SYNE2: variants seen among roughly 807,000 people sequenced by gnomAD.
The protein encoded by SYNE2 is nesprin-2.
In SYNE2, 431 loss-of-function variants were observed where a neutral mutation model predicts 856.3. The observed-to-expected ratio is 0.50, with a 90% CI of 0.47 to 0.55. The LOEUF is 0.55. Ranked by LOEUF, SYNE2 falls within the 20% of genes least tolerant of loss-of-function variation. SYNE2 has a pLI of 0.00. For missense variants in SYNE2, 8,129 were observed against 8,023.2 expected, an observed-to-expected ratio of 1.01 and a Z score of -0.50; for synonymous variants, 2,923 against 2,872.3, an observed-to-expected ratio of 1.02 and a Z score of -0.56.
At position 63,949,825 on chromosome 14, in the gene SYNE2, A is replaced by G. The variant is rs1445643106; in HGVS notation, c.409A>G (p.Ile137Val). The G allele has an allele frequency of 6.2e-7, 1 of 1,614,104 alleles. No homozygotes were observed. Residue 137 changes from isoleucine to valine, a missense_variant and splice_region_variant, in exon 7 of 116, where the codon ATT becomes GTT. Physicochemically the swap from Ile to Val is conservative, Grantham distance 29 (BLOSUM62 3). This residue lies in a region of SYNE2 where 2,422 missense variants were observed against 2,357.4 expected (regional missense o/e 1.03). Transcript: ENST00000555002. ...LIWTIILHFH[I>V]EKLAQTLSCN... ...GTTAAGTCTACTTTGCCTTCCTTAGATTGAGAAGCTTGCCCAGACTCTTTC... is the reference window on the plus strand; with the variant it reads ...GTTAAGTCTACTTTGCCTTCCTTAGGTTGAGAAGCTTGCCCAGACTCTTTC...
intron 59 of SYNE2, among the ~76,000 whole-genome samples, chr14:64,090,214 A>G (rs2097598146): frequency 6.6e-6 from 1 of 152,172 alleles, no homozygotes; most frequent in African/African-American, 2.4e-5. Flanking sequence ...CCTCTTACAG[A>G]CTAAGCTTAC....
intron 63 of SYNE2, among the ~76,000 whole-genome samples, chr14:64,100,782 C>CT (rs1210030292): frequency 1.3e-5 from 2 of 150,790 alleles, no homozygotes; most frequent in East Asian, 1.9e-4. Context: ...CTCCTGTGCC[C>CT]TTTTTTTAAT....
intron 39 of SYNE2, 64 bp from the exon 40 acceptor site, chr14:64,024,848 C>T (rs2096965351): frequency 1.3e-6 from 2 of 1,575,382 alleles, no homozygotes; most frequent in South Asian, 1.1e-5. Flanking sequence ...TTTGTGCCAT[C>T]CTTTTCTTTG....
chr14:63,951,701 C>T (rs1427490741), intron 7 of SYNE2, among the ~76,000 whole-genome samples: 2 of 152,190 alleles, frequency 1.3e-5, no homozygotes, highest in African/African-American at 2.4e-5. Flanking sequence ...ATTAAATGAA[C>T]TGTTTCTTGA....
rs374716181 is a variant in SYNE2, at chr14:64,130,061, G to A, written c.14153G>A (p.Ser4718Asn). Residue 4718 changes from serine to asparagine, a missense_variant, in exon 76 of 116, where the codon AGT (serine) becomes AAT (asparagine). Transcript: ENST00000555002. Reference sequence around the variant, plus strand: ...TTCTCTTTTCAGGATGTACTTGACAGTATGTGGGGAATGCTAAGAGCCAGG... The same window carrying A: ...TTCTCTTTTCAGGATGTACTTGACAATATGTGGGGAATGCTAAGAGCCAGG... The part of the protein sequence containing the change: ...EVYKLEDVLD[S>N]MWGMLRARYT... 3 of 1,613,886 alleles carry A rather than the reference G, an allele frequency of 1.9e-6. No homozygotes were observed. The highest frequency in any genetic ancestry group is 1.7e-4 in the Middle Eastern group (1 of 5,808).
At position 64,225,387 on chromosome 14, in the gene SYNE2, AGCTGCTCCTCCTGCT is replaced by A; in HGVS notation, c.20592_20606del (p.Leu6867_Leu6871del). 4 of 1,614,116 alleles carry A rather than the reference AGCTGCTCCTCCTGCT, an allele frequency of 2.5e-6. No individual in the cohort carries two copies. The highest frequency in any genetic ancestry group is 1.3e-5 in the African/African-American group (1 of 75,044). ...GTGGTCCGGGCAGCCCTACCCCTGC[AGCTGCTCCTCCTGCT>A]GCTGCTGCTCCTGGCCTGCCTGCTG... On this transcript the variant is annotated inframe_deletion, in exon 116 of 116. Coordinates refer to ENST00000555002, the MANE Select transcript of SYNE2 (RefSeq NM_182914.3).
chr14:64,037,950 C>G (rs1326387909), intron 45 of SYNE2, among the ~76,000 whole-genome samples: 1 of 151,788 alleles, frequency 6.6e-6, no homozygotes, highest in Non-Finnish European at 1.5e-5. Context: ...CTGACCCCCC[C>G]ACCTCCCTCC....
intron 100 of SYNE2, among the ~76,000 whole-genome samples, chr14:64,205,680 A>C (rs1465519005): frequency 6.6e-6 from 1 of 152,148 alleles, no homozygotes; most frequent in Non-Finnish European, 1.5e-5. Context: ...GAACACCTTT[A>C]AGTATAAGGT....
In SYNE2 at chr14:64,126,588, T is replaced by A; in HGVS notation, c.13708-10T>A. 1 of 1,614,192 alleles carries A rather than the reference T, an allele frequency of 6.2e-7. No individual in the cohort carries two copies. Among genetic ancestry groups the A allele is most frequent in the Non-Finnish European group, 8.5e-7 (1 of 1,180,026 alleles). ...AGCTCATTCATTGTCTTCCTTCCTC[T>A]CCACTCCAGACGCTGGCTCTTGAGT... On this transcript the variant is annotated splice_polypyrimidine_tract_variant and intron_variant, in intron 72 of 115. Transcript: ENST00000555002.
intron 32 of SYNE2, among the ~76,000 whole-genome samples, chr14:64,012,420 A>T (rs2096853940): frequency 1.3e-5 from 2 of 152,174 alleles, no homozygotes; most frequent in African/African-American, 4.8e-5. Flanking sequence ...AGAGACAAAC[A>T]TATATATTTA....
chr14:64,205,211 GT>G (rs1268471738), intron 100 of SYNE2, among the ~76,000 whole-genome samples: 1 of 152,050 alleles, frequency 6.6e-6, no homozygotes, highest in African/African-American at 2.4e-5. Flanking sequence ...GGATGTCTTT[GT>G]TGGGGGGTTG....
chr14:63,858,423 AT>A (rs984256364), intron 1 of SYNE2, among the ~76,000 whole-genome samples: 55 of 142,082 alleles, frequency 3.9e-4, no homozygotes, highest in Non-Finnish European at 4.0e-4. Context: ...CACCCAGCCT[AT>A]TTTTTTTTTT....
intron 70 of SYNE2, among the ~76,000 whole-genome samples, chr14:64,124,838 A>G (rs990139881): frequency 6.6e-6 from 1 of 152,132 alleles, no homozygotes; most frequent in African/African-American, 2.4e-5. Context: ...CCCCGTCGCT[A>G]CTAAAAATAC....
chr14:63,998,269 G>T lies in SYNE2; in HGVS notation c.3294G>T (p.Leu1098=), dbSNP rs766305428. The change falls in exon 26 of 116, where the codon CTG becomes CTT. Residue 1098 remains leucine, a synonymous_variant. Coordinates refer to ENST00000555002, the MANE Select transcript of SYNE2 (RefSeq NM_182914.3). ...KFSLASVLRP[L]QEESIMEKDY... The stretch of plus-strand genomic sequence containing the variant: ...GCCTGGCATCAGTGTTAAGGCCTCT[G>T]CAAGAAGAAAGCATTATGGAAAAGG... 1.9e-6 allele frequency: 3 copies of T among 1,613,954 alleles called. No individual in the cohort carries two copies. The highest frequency in any genetic ancestry group is 3.3e-5 in the Admixed American group (2 of 60,014).
intron 2 of SYNE2, among the ~76,000 whole-genome samples, chr14:63,921,866 G>A (rs1193331383): frequency 6.6e-6 from 1 of 152,152 alleles, no homozygotes; most frequent in Non-Finnish European, 1.5e-5. Flanking sequence ...CATGGATTTG[G>A]CATTTCAGCT....
At position 63,947,810 on chromosome 14, in the gene SYNE2, C is replaced by T. The variant is rs140072222; in HGVS notation, c.409-2015C>T. Among the ~76,000 whole-genome samples the T allele has an allele frequency of 1.5e-3, 232 of 151,864 alleles. 4 individuals carry two copies. The East Asian group carries it at 0.034, about 23-fold the overall frequency. On this transcript the variant is annotated intron_variant, in intron 6 of 115. Coordinates refer to ENST00000555002, the MANE Select transcript of SYNE2 (RefSeq NM_182914.3). Reference sequence around the variant, plus strand: ...CGAGATCGTGCCATTGCCCTCCAGACGGGGCAACAAGAGTGAAACTCTGTC... The same window carrying T: ...CGAGATCGTGCCATTGCCCTCCAGATGGGGCAACAAGAGTGAAACTCTGTC...
intron 45 of SYNE2, among the ~76,000 whole-genome samples, chr14:64,045,381 A>T (rs913129487): frequency 1.4e-5 from 2 of 138,488 alleles, no homozygotes; most frequent in Non-Finnish European, 1.5e-5. Flanking sequence ...TAACAGATAA[A>T]GTGTTCCTCA....
rs1244394995 is a variant in SYNE2 at position 64,167,626 on chromosome 14, A to G, written c.16892A>G (p.Gln5631Arg). The G allele has an allele frequency of 9.3e-6, 15 of 1,614,122 alleles. No individual in the cohort carries two copies. Among genetic ancestry groups the G allele is most frequent in the Non-Finnish European group, 1.3e-5 (15 of 1,180,044 alleles). Residue 5631 changes from glutamine to arginine, a missense_variant, in exon 92 of 116, where the codon CAG becomes CGG. This residue lies in a region of SYNE2 where 5,410 missense variants were observed against 5,284.8 expected (regional missense o/e 1.02). Coordinates refer to ENST00000555002, the MANE Select transcript of SYNE2 (RefSeq NM_182914.3). Reference sequence around the variant, plus strand: ...AGCCTTCCTGAGCTCCTGGAGCAGCAGAAAACCTATAAGGTAAACCTGTGT... The same window carrying G: ...AGCCTTCCTGAGCTCCTGGAGCAGCGGAAAACCTATAAGGTAAACCTGTGT... Reference protein sequence around the residue: ...ANSLPELLEQQKTYKMLEAEV... With the variant: ...ANSLPELLEQRKTYKMLEAEV...
At chr14:63,965,478 A>G (rs1249107632) in intron 10 of SYNE2, among the ~76,000 whole-genome samples, 1 of 152,218 alleles carries the variant, frequency 6.6e-6, no homozygotes, top group East Asian at 1.9e-4. Flanking sequence ...CTCTGGGGTA[A>G]GTAGTTATTC....
Sources: allele counts gnomAD v4.1 joint callset (sites outside exome capture counted in the v4.1 genomes callset), GRCh38; gene constraint gnomAD v4.1.1; regional missense constraint gnomAD v4.1.1; transcripts MANE v1.5; gene names NCBI Gene and HGNC (gene_info 2026-07-23, HGNC 2026-07-21).